Variants in SGCD observed in about 807,000 individuals in gnomAD.
SGCD encodes the protein delta-sarcoglycan.
In SGCD, 18 loss-of-function variants were observed where a neutral mutation model predicts 36.6. That is an observed-to-expected ratio of 0.49 (90% CI 0.34 to 0.73). The LOEUF is 0.73. Among genes scored for constraint, SGCD ranks in the 30% least tolerant of loss-of-function variants. The pLI, the probability that SGCD is intolerant of heterozygous loss-of-function variation, is 0.01. For synonymous variants in SGCD, 133 were observed against 130.6 expected, an observed-to-expected ratio of 1.02 and a Z score of -0.12; for missense variants, 387 against 346.7, an observed-to-expected ratio of 1.12 and a Z score of -0.92.
chr5:155,814,591 A>T, the SGCD span, among the ~76,000 whole-genome samples: 1 of 152,198 alleles, frequency 6.6e-6, no homozygotes, highest in Non-Finnish European at 1.5e-5. Context: ...ACACATTTTT[A>T]AAAATATTTG....
intron 3 of SGCD, among the ~76,000 whole-genome samples, chr5:156,227,292 A>G (rs1764884937): frequency 6.6e-6 from 1 of 152,108 alleles, no homozygotes; most frequent in Non-Finnish European, 1.5e-5. Context: ...GTAAGAGATG[A>G]GGATCCAGTT....
chr5:156,646,517 A>AT (rs753231687), intron 6 of SGCD, among the ~76,000 whole-genome samples: 1 of 152,190 alleles, frequency 6.6e-6, no homozygotes, highest in Non-Finnish European at 1.5e-5. Flanking sequence ...ATTCAAAAGC[A>AT]TGTTCTTTGT....
At chr5:156,624,425 C>CA (rs1192688699) in intron 6 of SGCD, among the ~76,000 whole-genome samples, 3 of 151,950 alleles carry the variant, frequency 2.0e-5, no homozygotes, top group Non-Finnish European at 4.4e-5. Context: ...ACTAAAAATA[C>CA]AAAAAATTAG....
intron 1 of SGCD, among the ~76,000 whole-genome samples, chr5:155,895,053 C>A (rs1756217188): frequency 6.6e-6 from 1 of 152,118 alleles, no homozygotes. Flanking sequence ...ACAGAGGAGA[C>A]CAGGCCTTAT....
intron 3 of SGCD, among the ~76,000 whole-genome samples, chr5:156,179,930 T>G (rs1161510908): frequency 6.6e-6 from 1 of 152,184 alleles, no homozygotes; most frequent in Admixed American, 6.5e-5. Flanking sequence ...GGACCCAACT[T>G]TTATTTATGA....
At chr5:155,749,330 G>T in the SGCD span, among the ~76,000 whole-genome samples, 1 of 152,108 alleles carries the variant, frequency 6.6e-6, no homozygotes, top group East Asian at 1.9e-4. Flanking sequence ...TTACTCCTTT[G>T]CAATGGAAGA....
intron 1 of SGCD, among the ~76,000 whole-genome samples, chr5:156,111,791 T>C (rs1761793013): frequency 6.6e-6 from 1 of 152,192 alleles, no homozygotes; most frequent in East Asian, 1.9e-4. Context: ...TTTTTTTTTT[T>C]TTCTTGAGAT....
intron 7 of SGCD, among the ~76,000 whole-genome samples, chr5:156,685,261 A>C (rs536379020): frequency 6.6e-6 from 1 of 152,292 alleles, no homozygotes; most frequent in African/African-American, 2.4e-5. Context: ...GCTCTTATCC[A>C]AAGAAGTCAG....
chr5:156,343,274 T>C (rs140496975), intron 2 of SGCD, among the ~76,000 whole-genome samples: 94 of 152,320 alleles, frequency 6.2e-4, no homozygotes, highest in Non-Finnish European at 1.2e-3. Context: ...AGGTCTTATT[T>C]GTAGGGAATG....
intron 3 of SGCD, among the ~76,000 whole-genome samples, chr5:156,477,049 G>GAAA (rs5872462): frequency 0.027 from 3,330 of 122,964 alleles, 99 homozygotes; most frequent in African/African-American, 0.084. Context: ...AAGAGAAAAA[G>GAAA]AAAAAAAAAA....
chr5:156,200,592 T>C (rs1764123642), intron 3 of SGCD, among the ~76,000 whole-genome samples: 1 of 152,086 alleles, frequency 6.6e-6, no homozygotes, highest in Non-Finnish European at 1.5e-5. Context: ...GTTCAGGACA[T>C]TGGAATTGGC....
intron 3 of SGCD, among the ~76,000 whole-genome samples, chr5:156,425,599 G>T (rs1199903096): frequency 6.6e-6 from 1 of 151,670 alleles, no homozygotes; most frequent in African/African-American, 2.4e-5. Context: ...GGTACATGTT[G>T]TTTTTTGTTA....
intron 1 of SGCD, among the ~76,000 whole-genome samples, chr5:155,924,298 G>A (rs1485193135): frequency 1.3e-5 from 2 of 152,140 alleles, no homozygotes; most frequent in African/African-American, 2.4e-5. Context: ...CCTGAATGGG[G>A]GACAAAGGCA....
intron 3 of SGCD, among the ~76,000 whole-genome samples, chr5:156,384,863 G>A (rs1440409857): frequency 6.6e-6 from 1 of 152,110 alleles, no homozygotes; most frequent in East Asian, 1.9e-4. Context: ...AGGAGCCTGG[G>A]GCTTGTTAGT....
intron 1 of SGCD, among the ~76,000 whole-genome samples, chr5:155,879,647 A>G (rs1755839605): frequency 6.6e-6 from 1 of 152,126 alleles, no homozygotes; most frequent in Non-Finnish European, 1.5e-5. Context: ...GAGAAAAGGC[A>G]TTGTTTTTCC....
upstream of SGCD, among the ~76,000 whole-genome samples, chr5:156,325,936 C>A (rs182713731): frequency 6.6e-6 from 1 of 152,144 alleles, no homozygotes; most frequent in South Asian, 2.1e-4. Flanking sequence ...ACGACCCCAC[C>A]GAATCCTATT....
intron 3 of SGCD, among the ~76,000 whole-genome samples, chr5:156,278,986 C>T (rs1766384048): frequency 6.6e-6 from 1 of 152,128 alleles, no homozygotes; most frequent in African/African-American, 2.4e-5. Context: ...AGTTGATTAT[C>T]ACAACTGGAG....
intron 4 of SGCD, among the ~76,000 whole-genome samples, chr5:156,571,018 C>T (rs561011532): frequency 2.6e-5 from 4 of 151,960 alleles, no homozygotes; most frequent in African/African-American, 9.6e-5. Context: ...CTCTACCATT[C>T]TCTTTCTTTT....
At chr5:156,439,213 C>T (rs1753379509) in intron 3 of SGCD, among the ~76,000 whole-genome samples, 1 of 152,112 alleles carries the variant, frequency 6.6e-6, no homozygotes, top group Admixed American at 6.6e-5. Flanking sequence ...TTTGCAACCC[C>T]TTTTTCCATT....
Sources: allele counts gnomAD v4.1 joint callset (sites outside exome capture counted in the v4.1 genomes callset), GRCh38; gene constraint gnomAD v4.1.1; transcripts MANE v1.5; gene names NCBI Gene and HGNC (gene_info 2026-07-23, HGNC 2026-07-21).